ATP10B: variants seen among roughly 807,000 people sequenced by gnomAD.
ATP10B encodes phospholipid-transporting ATPase VB.
Under a neutral mutation model 141.2 loss-of-function variants are expected in ATP10B, and 122 were observed. That is an observed-to-expected ratio of 0.86 (90% CI 0.75 to 1.00). The LOEUF is 1.00. Ranked by LOEUF, ATP10B falls within the 50% of genes least tolerant of loss-of-function variation. The pLI, the probability that ATP10B is intolerant of heterozygous loss-of-function variation, is 0.00. For missense variants in ATP10B, 1,876 were observed against 1,825.3 expected, an observed-to-expected ratio of 1.03 and a Z score of -0.51; for synonymous variants, 685 against 692.0, an observed-to-expected ratio of 0.99 and a Z score of 0.16.
At chr5:160,743,242 T>G (rs1252164336) in intron 2 of ATP10B, among the ~76,000 whole-genome samples, 1 of 152,196 alleles carries the variant, frequency 6.6e-6, no homozygotes, top group African/African-American at 2.4e-5. Context: ...TGTGGTCTGA[T>G]TATGCAGTTT....
intron 2 of ATP10B, among the ~76,000 whole-genome samples, chr5:160,722,895 T>A (rs1766083009): frequency 6.6e-6 from 1 of 152,148 alleles, no homozygotes; most frequent in Non-Finnish European, 1.5e-5. Context: ...GCTCTGCTAA[T>A]TACAGAACAA....
chr5:160,873,592 C>T, the ATP10B span, among the ~76,000 whole-genome samples: 20,114 of 152,182 alleles, frequency 0.13, 1,416 homozygotes, highest in African/African-American at 0.16. Flanking sequence ...ACACAGAAGA[C>T]GGGTGATTTC....
At chr5:160,733,680 T>C (rs1378153392) in intron 2 of ATP10B, among the ~76,000 whole-genome samples, 9 of 22,314 alleles carry the variant, frequency 4.0e-4, no homozygotes, top group Non-Finnish European at 7.1e-4. Flanking sequence ...TATATATATA[T>C]ATACACACAC....
intron 7 of ATP10B, among the ~76,000 whole-genome samples, chr5:160,664,448 C>A (rs1376743828): frequency 1.3e-5 from 2 of 152,158 alleles, no homozygotes; most frequent in Non-Finnish European, 2.9e-5. Flanking sequence ...AAAGCACTAA[C>A]CATTGGTGGC....
intron 2 of ATP10B, among the ~76,000 whole-genome samples, chr5:160,741,857 CATT>C (rs1014857665): frequency 6.6e-6 from 1 of 152,312 alleles, no homozygotes; most frequent in East Asian, 1.9e-4. Flanking sequence ...CATATATCAT[CATT>C]ATCATCCTCC....
intron 25 of ATP10B, 21 bp downstream of exon 25, chr5:160,569,475 A>G: frequency 6.2e-7 from 1 of 1,612,562 alleles, no homozygotes; most frequent in African/African-American, 1.3e-5. Context: ...TAGGAAAGAA[A>G]CACAGCCCTA....
At position 160,635,286 on chromosome 5, in the gene ATP10B, G is replaced by A. The variant is rs2127667054; in HGVS notation, c.1129-680C>T. Among the ~76,000 whole-genome samples, 5 of 152,234 alleles carry A rather than the reference G, an allele frequency of 3.3e-5. 1 individual carries two copies. The South Asian group carries it at 1.0e-3, about 32-fold the overall frequency. ...GAGCAGAGGAGAAAGCCAGGCACAG[G>A]CCTGGCAGTGGGGGTGGCGTTTGGG... is the stretch of plus-strand genomic sequence containing the variant. On this transcript the variant is annotated intron_variant, in intron 11 of 25. Transcript: ENST00000327245.
intron 1 of ATP10B, among the ~76,000 whole-genome samples, chr5:160,794,291 C>T (rs1347960505): frequency 1.3e-5 from 2 of 152,154 alleles, no homozygotes; most frequent in African/African-American, 4.8e-5. Flanking sequence ...CTTGTCTGTC[C>T]TGCATCCCCT....
At chr5:160,632,598 C>T in intron 12 of ATP10B, 1 of 348,970 alleles carries the variant, frequency 2.9e-6, no homozygotes, top group Non-Finnish European at 5.1e-6. Context: ...TTGACATAAC[C>T]TGTCACTTTA....
the ATP10B span, among the ~76,000 whole-genome samples, chr5:160,884,280 CAA>C: frequency 6.6e-6 from 1 of 152,076 alleles, no homozygotes; most frequent in African/African-American, 2.4e-5. Context: ...GTGTAAGAGT[CAA>C]AGAGTTTTCA....
At chr5:160,904,249 C>T in the ATP10B span, among the ~76,000 whole-genome samples, 6 of 152,140 alleles carry the variant, frequency 3.9e-5, no homozygotes, top group African/African-American at 1.2e-4. Flanking sequence ...GTCTCAGAGT[C>T]AGACTGCCAG....
chr5:160,599,050 C>G (rs1760475845), intron 21 of ATP10B, 80 bp from the exon 22 acceptor site: 4 of 1,357,522 alleles, frequency 2.9e-6, no homozygotes, highest in African/African-American at 1.4e-5. Context: ...CCTCTGGGAG[C>G]TGCTGGAGTG....
At chr5:160,672,863 T>G (rs1421956) in intron 6 of ATP10B, among the ~76,000 whole-genome samples, 98,733 of 152,074 alleles carry the variant, frequency 0.65, 32,680 homozygotes, top group Middle Eastern at 0.78. Context: ...CTTCCTCCCC[T>G]CCTGGAGGCC....
Position 160,832,101 on chromosome 5 carries a change from C to G in ATP10B, c.-576+19840G>C, listed in dbSNP as rs1423935449. Among the ~76,000 whole-genome samples the G allele has an allele frequency of 2.2e-5, 3 of 137,644 alleles. No individual in the cohort carries two copies. In the East Asian group the frequency reaches 6.8e-4, roughly 31 times the overall value. The allele number at this position is 137,644 out of a possible 152,430, so 90.3% of individuals were successfully genotyped here. On this transcript the variant is annotated intron_variant, in intron 1 of 25. Coordinates refer to ENST00000327245, the MANE Select transcript of ATP10B (RefSeq NM_025153.3). Reference sequence around the variant, plus strand: ...TCAACAAGTAATCAGAACATCCAAGCAGTATAGCAATAATAATCATAATAA... The same window carrying G: ...TCAACAAGTAATCAGAACATCCAAGGAGTATAGCAATAATAATCATAATAA...
intron 13 of ATP10B, among the ~76,000 whole-genome samples, chr5:160,625,758 T>C (rs939579385): frequency 1.3e-5 from 2 of 152,248 alleles, no homozygotes; most frequent in African/African-American, 4.8e-5. Flanking sequence ...GGGCAGAGAC[T>C]GTCTCTGATG....
At chr5:160,674,718 T>A (rs1156587377) in intron 6 of ATP10B, among the ~76,000 whole-genome samples, 1 of 151,798 alleles carries the variant, frequency 6.6e-6, no homozygotes, top group Non-Finnish European at 1.5e-5. Flanking sequence ...CTGGTAGGCA[T>A]CTAGGAATAA....
intron 6 of ATP10B, among the ~76,000 whole-genome samples, chr5:160,677,101 A>G (rs1763080014): frequency 6.6e-6 from 1 of 152,240 alleles, no homozygotes; most frequent in Admixed American, 6.5e-5. Context: ...ATGGCAAAAC[A>G]GAGGCCATAA....
chr5:160,628,602 G>A lies in ATP10B; in HGVS notation c.1620+3527C>T, dbSNP rs189642312. On this transcript the variant is annotated intron_variant, in intron 13 of 25. Transcript: ENST00000327245. Reference sequence around the variant, plus strand: ...ATTCTCTTCAGAAGGGTGGGGTGGCGGGGGGGATGTCCACAAAGGAAAGCA... The same window carrying A: ...ATTCTCTTCAGAAGGGTGGGGTGGCAGGGGGGATGTCCACAAAGGAAAGCA... Among the ~76,000 whole-genome samples, 100 of 151,048 alleles carry A rather than the reference G, an allele frequency of 6.6e-4. 1 individual carries two copies. The highest frequency in any genetic ancestry group is 2.1e-3 in the African/African-American group (86 of 40,470).
At chr5:160,770,353 T>C (rs183671238) in intron 2 of ATP10B, among the ~76,000 whole-genome samples, 4 of 152,164 alleles carry the variant, frequency 2.6e-5, no homozygotes, top group Non-Finnish European at 5.9e-5. Context: ...TTTATTTTGT[T>C]ATGTTATGAA....
Sources: allele counts gnomAD v4.1 joint callset (sites outside exome capture counted in the v4.1 genomes callset), GRCh38; gene constraint gnomAD v4.1.1; transcripts MANE v1.5; gene names NCBI Gene and HGNC (gene_info 2026-07-23, HGNC 2026-07-21).